Variants in OCRL observed in about 807,000 individuals in gnomAD.
The protein encoded by OCRL is inositol polyphosphate 5-phosphatase OCRL.
A neutral mutation model predicts 78.9 loss-of-function variants in OCRL; 8 were observed. The ratio of observed to expected loss-of-function variants is 0.10; its 90% CI spans 0.06 to 0.18. OCRL has a LOEUF of 0.18. Ranked by LOEUF, OCRL falls within the 10% of genes least tolerant of loss-of-function variation. OCRL has a pLI of 1.00. For missense variants in OCRL, 454 were observed against 696.7 expected (o/e 0.65, Z 3.92); for synonymous variants, 240 against 235.4 (o/e 1.02, Z -0.18).
chrX:129,589,720 G>C (rs748483297), intron 22 of OCRL, 125 bp from the exon 23 acceptor site: 2 of 526,423 alleles, frequency 3.8e-6, no homozygotes, highest in Non-Finnish European at 6.9e-6. Flanking sequence ...GATAATAGAA[G>C]TTAGACAGAT....
At chrX:129,544,779 C>T (rs1339413333) in intron 2 of OCRL, among the ~76,000 whole-genome samples, 179 bp from the exon 3 acceptor site, 1 of 111,962 alleles carries the variant, frequency 8.9e-6, no homozygotes, top group African/African-American at 3.3e-5. Context: ...ATGTTCATCA[C>T]CACTAGCATC....
chrX:129,558,587 A>G, intron 6 of OCRL, 46 bp from the exon 7 acceptor site: 1 of 1,202,802 alleles, frequency 8.3e-7, no homozygotes, highest in Non-Finnish European at 1.1e-6. Flanking sequence ...GATATGTTGG[A>G]TGTTAGATTT....
At chrX:129,576,679 A>G in intron 18 of OCRL, 127 bp downstream of exon 18, 1 of 538,780 alleles carries the variant, frequency 1.9e-6, no homozygotes, top group Non-Finnish European at 3.2e-6. Context: ...ATAAAGAAGA[A>G]TGTTACTTTA....
chrX:129,562,784 T>C lies in OCRL; in HGVS notation c.1242T>C (p.His414=), dbSNP rs1210003271. The change falls in exon 12 of 24, where the codon CAT becomes CAC. Residue 414 remains histidine, a splice_region_variant and synonymous_variant. Coordinates refer to ENST00000371113, the MANE Select transcript of OCRL (RefSeq NM_000276.4). ...QTLPQLNIMK[H]EVVIWLGDLN... is the part of the protein sequence containing the mutation. ...TCCCGCAGTTGAACATCATGAAACA[T>C]GAGTAAGTGGTTAACTCACCTGTAG... is the stretch of plus-strand genomic sequence containing the variant. 10 of 1,209,969 alleles carry C rather than the reference T, an allele frequency of 8.3e-6. No homozygotes were observed. The highest frequency in any genetic ancestry group is 8.9e-6 in the Non-Finnish European group (8 of 893,884).
intron 13 of OCRL, among the ~76,000 whole-genome samples, chrX:129,566,863 C>T (rs1936223623): frequency 8.9e-6 from 1 of 112,509 alleles, no homozygotes; most frequent in Admixed American, 9.4e-5. Flanking sequence ...CAATTTGAAA[C>T]TATTCGCTGA....
intron 12 of OCRL, 56 bp from the exon 13 acceptor site, chrX:129,565,714 TTC>T: frequency 2.2e-6 from 2 of 906,273 alleles, no homozygotes; most frequent in South Asian, 2.0e-5. Flanking sequence ...CTCTCCATCC[TTC>T]TCTGTTTTTT....
chrX:129,570,622 G>A (rs1936287507), intron 15 of OCRL, among the ~76,000 whole-genome samples: 2 of 112,119 alleles, frequency 1.8e-5, no homozygotes, highest in African/African-American at 6.5e-5. Context: ...CTTTACTTTT[G>A]TCCATTTTGA....
intron 9 of OCRL, 92 bp from the exon 10 acceptor site, chrX:129,561,087 T>C: frequency 1.6e-6 from 1 of 611,201 alleles, no homozygotes; most frequent in Non-Finnish European, 2.8e-6. Flanking sequence ...CTCTCCCATC[T>C]TTTTTTCATC....
intron 12 of OCRL, among the ~76,000 whole-genome samples, chrX:129,564,140 T>G (rs1936181698): frequency 9.0e-6 from 1 of 111,221 alleles, no homozygotes; most frequent in African/African-American, 3.3e-5. Context: ...TCACTGGCCA[T>G]CAGAGAAACG....
In OCRL at chrX:129,587,189, C is replaced by T. The variant is rs1466080665; in HGVS notation, c.2256+71C>T. On this transcript the variant is annotated intron_variant, in intron 20 of 23. Transcript: ENST00000371113. Reference sequence around the variant, plus strand: ...TACTATAGGAAATCACAACACCTCACGTCAGCATAGCGCTTTTAACTTTCC... The same window carrying T: ...TACTATAGGAAATCACAACACCTCATGTCAGCATAGCGCTTTTAACTTTCC... 1.6e-5 allele frequency: 11 copies of T among 670,978 alleles called. No individual in the cohort carries two copies. The Admixed American group carries it at 1.8e-4, about 11-fold the overall frequency. 55.3% of individuals were successfully genotyped at this position (670,978 alleles called of 1,213,427 possible).
At chrX:129,575,433 G>A (rs1207181287) in intron 16 of OCRL, among the ~76,000 whole-genome samples, 183 bp downstream of exon 16, 1 of 111,867 alleles carries the variant, frequency 8.9e-6, no homozygotes, top group Non-Finnish European at 1.9e-5. Flanking sequence ...TATCTTACCC[G>A]CTCAGAGCCG....
intron 18 of OCRL, among the ~76,000 whole-genome samples, chrX:129,580,904 C>T (rs781335994): frequency 8.0e-5 from 9 of 112,060 alleles, no homozygotes; most frequent in Admixed American, 6.6e-4. Context: ...CTTACCCTGT[C>T]GGCCAGGCTG....
At chrX:129,579,140 C>G (rs190552758) in intron 18 of OCRL, among the ~76,000 whole-genome samples, 7 of 111,719 alleles carry the variant, frequency 6.3e-5, no homozygotes, top group Admixed American at 3.8e-4. Flanking sequence ...CTTTGATCAT[C>G]ATGACAGTAC....
chrX:129,577,014 C>T (rs954621580), intron 18 of OCRL, among the ~76,000 whole-genome samples: 2 of 111,377 alleles, frequency 1.8e-5, no homozygotes, highest in Admixed American at 9.5e-5. Flanking sequence ...TTTCCTGGCT[C>T]CCAGTTTAGT....
intron 18 of OCRL, 29 bp downstream of exon 18, chrX:129,576,581 T>G: frequency 9.3e-7 from 1 of 1,070,673 alleles, no homozygotes; most frequent in African/African-American, 1.8e-5. Context: ...CATAAACCTC[T>G]TTTACATTTA....
rs60580723 is a variant in OCRL at position 129,555,572 on chromosome X, G to A, written c.239-1753G>A. On this transcript the variant is annotated intron_variant, in intron 4 of 23. Coordinates refer to ENST00000371113, the MANE Select transcript of OCRL (RefSeq NM_000276.4). ...ATGCAGAGAATATTCAGATGAAGTT[G>A]AGGATGTAGGAGTGTTTGCAGATCA... Among the ~76,000 whole-genome samples, 4,551 of 112,282 alleles carry A rather than the reference G, an allele frequency of 0.041. 297 individuals carry two copies. In the East Asian group the frequency reaches 0.44, roughly 11 times the overall value.
At chrX:129,583,968 G>A (rs1936477333) in intron 18 of OCRL, among the ~76,000 whole-genome samples, 1 of 109,772 alleles carries the variant, frequency 9.1e-6, no homozygotes, top group African/African-American at 3.3e-5. Flanking sequence ...GGCCACTGTT[G>A]GGCCCACAGC....
chrX:129,579,349 C>T (rs1936412255), intron 18 of OCRL, among the ~76,000 whole-genome samples: 1 of 111,411 alleles, frequency 9.0e-6, no homozygotes, highest in South Asian at 3.8e-4. Flanking sequence ...TCCCCAAGAC[C>T]CAATATCGTA....
chrX:129,574,350 TA>T (rs1275744272), intron 15 of OCRL, among the ~76,000 whole-genome samples: 32 of 112,742 alleles, frequency 2.8e-4, no homozygotes, highest in African/African-American at 1.0e-3. Flanking sequence ...GAAGTTTTAA[TA>T]TTTAAAAAAA....
Sources: allele counts gnomAD v4.1 joint callset (sites outside exome capture counted in the v4.1 genomes callset), GRCh38; gene constraint gnomAD v4.1.1; transcripts MANE v1.5; gene names NCBI Gene and HGNC (gene_info 2026-07-23, HGNC 2026-07-21).